The following RBFOX1 variants were observed in gnomAD, a reference collection of about 807,000 sequenced individuals.
The protein encoded by RBFOX1 is RNA binding fox-1 homolog 1.
A neutral mutation model predicts 57.7 loss-of-function variants in RBFOX1; 8 were observed. That is an observed-to-expected ratio of 0.14 (90% CI 0.08 to 0.25). The LOEUF is 0.25. Ranked by LOEUF, RBFOX1 falls within the 10% of genes least tolerant of loss-of-function variation. The pLI, the probability that RBFOX1 is intolerant of heterozygous loss-of-function variation, is 1.00. For synonymous variants in RBFOX1, 326 were observed against 222.4 expected (o/e 1.47, Z -4.15); for missense variants, 611 against 548.5 (o/e 1.11, Z -1.14).
chr16:7,462,455 C>A (rs927953383), intron 4 of RBFOX1, among the ~76,000 whole-genome samples: 2 of 152,330 alleles, frequency 1.3e-5, no homozygotes, highest in Admixed American at 1.3e-4. Context: ...CGTGCCATTG[C>A]ACGCCAGCCT....
At chr16:6,001,978 T>C (rs1012691658) in intron 4 of RBFOX1, among the ~76,000 whole-genome samples, 1 of 150,560 alleles carries the variant, frequency 6.6e-6, no homozygotes, top group South Asian at 2.1e-4. Flanking sequence ...CTTTTTTTTT[T>C]TTTTTTGAGA....
At chr16:5,831,558 C>T (rs770441437) in intron 3 of RBFOX1, among the ~76,000 whole-genome samples, 77 of 151,186 alleles carry the variant, frequency 5.1e-4, no homozygotes, top group Non-Finnish European at 9.4e-4. Flanking sequence ...GGCACAATCT[C>T]AGCTCGCTGC....
At chr16:6,912,683 A>C (rs187277080) in intron 3 of RBFOX1, among the ~76,000 whole-genome samples, 4 of 150,980 alleles carry the variant, frequency 2.6e-5, no homozygotes, top group Non-Finnish European at 5.9e-5. Context: ...TGGCATGATC[A>C]TAGCTCACTG....
chr16:6,332,918 C>T (rs1341434493), intron 2 of RBFOX1, among the ~76,000 whole-genome samples: 1 of 152,200 alleles, frequency 6.6e-6, no homozygotes, highest in Non-Finnish European at 1.5e-5. Flanking sequence ...ATATTAGCTA[C>T]ACCTTACAGA....
chr16:5,859,944 A>G (rs1211888147), intron 3 of RBFOX1, among the ~76,000 whole-genome samples: 2 of 152,186 alleles, frequency 1.3e-5, no homozygotes, highest in Non-Finnish European at 2.9e-5. Context: ...GGAAGACTGG[A>G]AGCCTGGGCT....
intron 4 of RBFOX1, among the ~76,000 whole-genome samples, chr16:7,361,880 GTA>G (rs762390158): frequency 2.4e-4 from 37 of 151,450 alleles, no homozygotes; most frequent in African/African-American, 7.5e-4. Context: ...TGTGTTTTGT[GTA>G]TATGTTAGTA....
chr16:6,842,155 A>AAAAT (rs57858897), intron 3 of RBFOX1, among the ~76,000 whole-genome samples: 6,825 of 148,072 alleles, frequency 0.046, 202 homozygotes, highest in East Asian at 0.12. Context: ...AAAAAAATAA[A>AAAAT]AAATAAATAA....
intron 4 of RBFOX1, among the ~76,000 whole-genome samples, chr16:7,159,731 G>T (rs2077894046): frequency 6.6e-6 from 1 of 152,178 alleles, no homozygotes; most frequent in Non-Finnish European, 1.5e-5. Context: ...TGGATAGCCT[G>T]ACAAGACCCA....
chr16:5,426,150 A>T (rs761433958), intron 1 of RBFOX1, among the ~76,000 whole-genome samples: 2 of 152,146 alleles, frequency 1.3e-5, no homozygotes, highest in South Asian at 2.1e-4. Context: ...TCCATTCTTC[A>T]TGGAAGAGGA....
intron 2 of RBFOX1, among the ~76,000 whole-genome samples, chr16:6,351,762 T>C (rs2086446270): frequency 6.6e-6 from 1 of 152,208 alleles, no homozygotes; most frequent in African/African-American, 2.4e-5. Flanking sequence ...TGTATTCTCA[T>C]ATATTAAATA....
At chr16:6,817,672 C>T (rs1259636912) in intron 3 of RBFOX1, among the ~76,000 whole-genome samples, 2 of 151,542 alleles carry the variant, frequency 1.3e-5, no homozygotes, top group Non-Finnish European at 2.9e-5. Flanking sequence ...CACTGCACTC[C>T]AGCCTGGGCG....
intron 3 of RBFOX1, among the ~76,000 whole-genome samples, chr16:6,665,754 A>G (rs573454423): frequency 7.3e-5 from 11 of 150,716 alleles, no homozygotes; most frequent in African/African-American, 2.7e-4. Context: ...ACTACATGCC[A>G]TAGACCATTT....
chr16:6,852,188 T>G (rs557852691), intron 3 of RBFOX1, among the ~76,000 whole-genome samples: 2 of 152,300 alleles, frequency 1.3e-5, no homozygotes, highest in South Asian at 4.1e-4. Context: ...ACCAAGGTTT[T>G]GATAGGGCTC....
intron 4 of RBFOX1, among the ~76,000 whole-genome samples, chr16:7,160,412 C>T (rs1040098795): frequency 6.6e-6 from 1 of 151,802 alleles, no homozygotes; most frequent in Non-Finnish European, 1.5e-5. Context: ...TCTTCCTCCT[C>T]CCTTTTCCTT....
At chr16:5,838,133 T>G (rs574683628) in intron 3 of RBFOX1, 1 of 154,364 alleles carries the variant, frequency 6.5e-6, no homozygotes, top group Non-Finnish European at 1.5e-5. Flanking sequence ...TATTACATAT[T>G]GAAAGAATAC....
rs150633106 is a variant in RBFOX1 at position 6,297,675 on chromosome 16, C to G, written c.-126-19320C>G. ...GTTGCTTTTTGGCCCACCACACCCCCCTATCCTATACCCATATAAACCCCA... is the reference window on the plus strand; with the variant it reads ...GTTGCTTTTTGGCCCACCACACCCCGCTATCCTATACCCATATAAACCCCA... On this transcript the variant is annotated intron_variant, in intron 1 of 15. Transcript: ENST00000550418. Among the ~76,000 whole-genome samples the G allele has an allele frequency of 2.4e-3, 370 of 152,146 alleles. 4 individuals are homozygous for G. The highest frequency in any genetic ancestry group is 8.4e-3 in the African/African-American group (349 of 41,490).
At chr16:5,249,751 GA>G (rs2062399138) in intron 1 of RBFOX1, among the ~76,000 whole-genome samples, 1 of 152,216 alleles carries the variant, frequency 6.6e-6, no homozygotes, top group Non-Finnish European at 1.5e-5. Flanking sequence ...GGCGGGCCAG[GA>G]ATTCGAGACC....
At chr16:7,430,679 C>T (rs1598271068) in intron 4 of RBFOX1, among the ~76,000 whole-genome samples, 1 of 141,610 alleles carries the variant, frequency 7.1e-6, no homozygotes, top group African/African-American at 2.7e-5. Context: ...AAAAAAAGTA[C>T]CCACCCATTC....
chr16:6,901,889 T>A (rs536954134), intron 3 of RBFOX1, among the ~76,000 whole-genome samples: 1 of 152,330 alleles, frequency 6.6e-6, no homozygotes, highest in East Asian at 1.9e-4. Context: ...GCCTAAGTGA[T>A]GAACTGGGGT....
Sources: gnomAD v4.1 joint callset for allele counts (sites outside exome capture counted in the v4.1 genomes callset) on GRCh38, gnomAD v4.1.1 for gene constraint, MANE v1.5 for transcripts, NCBI Gene and HGNC (gene_info 2026-07-23, HGNC 2026-07-21) for gene names.